The following PPP2R3A variants were observed in gnomAD, a reference collection of about 807,000 sequenced individuals.
PPP2R3A encodes the protein protein phosphatase 2 regulatory subunit B''alpha, also known as serine/threonine-protein phosphatase 2A regulatory subunit B'' subunit alpha.
PPP2R3A carries 80 observed loss-of-function variants against 106.9 expected under a neutral mutation model. The observed-to-expected ratio is 0.75, with a 90% confidence interval of 0.62 to 0.90. The LOEUF is 0.90. Among genes scored for constraint, PPP2R3A ranks in the 40% least tolerant of loss-of-function variants. PPP2R3A has a pLI of 0.00. For missense variants in PPP2R3A, 1,386 were observed against 1,350.4 expected, an observed-to-expected ratio of 1.03 and a Z score of -0.41; for synonymous variants, 483 against 468.3, an observed-to-expected ratio of 1.03 and a Z score of -0.41.
intron 2 of PPP2R3A, among the ~76,000 whole-genome samples, chr3:136,010,391 C>T (rs929919009): frequency 8.9e-5 from 13 of 145,426 alleles, no homozygotes; most frequent in Non-Finnish European, 6.0e-5. Context: ...GCTGGGACTA[C>T]AGGCGCATGC....
rs1364692539 is a variant in PPP2R3A, at chr3:136,002,360, T to A, written c.862T>A (p.Tyr288Asn). The change falls in exon 2 of 14, where the codon TAT becomes AAT. Residue 288 changes from tyrosine to asparagine, a missense_variant. By Grantham distance (143) the Tyr-to-Asn change is moderately radical. Transcript: ENST00000264977. ...GAATGTAATGACCAGGTTAGCATCCTATCTGAAAAAGTTACCATTTGAATT... is the reference window on the plus strand; with the variant it reads ...GAATGTAATGACCAGGTTAGCATCCAATCTGAAAAAGTTACCATTTGAATT... ...YMNVMTRLASYLKKLPFEFMQ... is the reference protein window; with the variant it reads ...YMNVMTRLASNLKKLPFEFMQ... 1.2e-6 allele frequency: 2 copies of A among 1,613,818 alleles called. No individual in the cohort carries two copies. The highest frequency in any genetic ancestry group is 8.5e-7 in the Non-Finnish European group (1 of 1,179,958).
chr3:135,985,585 C>A (rs1209210133), intron 1 of PPP2R3A, among the ~76,000 whole-genome samples: 2 of 152,106 alleles, frequency 1.3e-5, no homozygotes, highest in African/African-American at 4.8e-5. Flanking sequence ...AATGTATAAC[C>A]GTTCCTTTGA....
At chr3:136,129,036 T>C (rs909964337) in intron 13 of PPP2R3A, among the ~76,000 whole-genome samples, 3 of 152,146 alleles carry the variant, frequency 2.0e-5, no homozygotes, top group African/African-American at 4.8e-5. Context: ...GAGGGAAATT[T>C]ATAGCGCTAA....
intron 13 of PPP2R3A, among the ~76,000 whole-genome samples, chr3:136,127,075 G>C (rs1441009313): frequency 6.6e-6 from 1 of 152,194 alleles, no homozygotes; most frequent in Admixed American, 6.5e-5. Flanking sequence ...GATCAGAAAA[G>C]CTGAAAATTC....
chr3:136,104,153 A>G (rs1166668220), intron 12 of PPP2R3A, among the ~76,000 whole-genome samples: 1 of 152,224 alleles, frequency 6.6e-6, no homozygotes, highest in Non-Finnish European at 1.5e-5. Context: ...CACCTTCTAA[A>G]TAAGATAAAT....
chr3:136,090,512 C>G (rs969100449), intron 9 of PPP2R3A, 66 bp from the exon 10 acceptor site: 1 of 1,323,072 alleles, frequency 7.6e-7, no homozygotes, highest in African/African-American at 1.5e-5. Context: ...ATTTCTTAGC[C>G]TATCATCCTG....
At chr3:136,069,158 T>C (rs186781229) in intron 5 of PPP2R3A, among the ~76,000 whole-genome samples, 68 of 152,340 alleles carry the variant, frequency 4.5e-4, no homozygotes, top group African/African-American at 1.6e-3. Context: ...TCATATCTTA[T>C]CCATGTTCAT....
chr3:135,970,535 G>A (rs1417073902), intron 1 of PPP2R3A, among the ~76,000 whole-genome samples: 2 of 152,196 alleles, frequency 1.3e-5, no homozygotes, highest in African/African-American at 2.4e-5. Context: ...GTGTCATCAA[G>A]TAAAGATGTG....
At chr3:136,015,638 T>G (rs1259665442) in intron 2 of PPP2R3A, among the ~76,000 whole-genome samples, 3 of 152,090 alleles carry the variant, frequency 2.0e-5, no homozygotes, top group Non-Finnish European at 4.4e-5. Context: ...ATCTTTTGTA[T>G]TTTTGTGGTA....
intron 13 of PPP2R3A, among the ~76,000 whole-genome samples, chr3:136,134,085 A>G (rs1234215032): frequency 6.6e-6 from 1 of 152,192 alleles, no homozygotes; most frequent in Non-Finnish European, 1.5e-5. Flanking sequence ...TTGCATTACT[A>G]CTGTATATTA....
intron 4 of PPP2R3A, among the ~76,000 whole-genome samples, chr3:136,044,520 A>C (rs1052026322): frequency 2.8e-5 from 4 of 144,346 alleles, no homozygotes; most frequent in African/African-American, 1.0e-4. Context: ...GCAGTAAGCT[A>C]TGATCATGAG....
intron 1 of PPP2R3A, among the ~76,000 whole-genome samples, chr3:135,994,712 CTG>C (rs1174428243): frequency 6.6e-6 from 1 of 152,150 alleles, no homozygotes; most frequent in Non-Finnish European, 1.5e-5. Flanking sequence ...GACTTTAAAA[CTG>C]TGAAACCCAT....
Position 136,145,346 on chromosome 3 carries a change from T to C in PPP2R3A, c.*180T>C. ...ATACACATTTAACTTAGGAGGCTCCTCCAATTTGCCTCAAACCTCTTACGG... is the reference window on the plus strand; with the variant it reads ...ATACACATTTAACTTAGGAGGCTCCCCCAATTTGCCTCAAACCTCTTACGG... On this transcript the variant is annotated 3_prime_UTR_variant, in exon 14 of 14. Coordinates refer to ENST00000264977, the MANE Select transcript of PPP2R3A (RefSeq NM_002718.5). 1 of 730,396 alleles carries C rather than the reference T, an allele frequency of 1.4e-6. No individual in the cohort carries two copies. Among genetic ancestry groups the C allele is most frequent in the Non-Finnish European group, 2.0e-6 (1 of 506,300 alleles). The allele number at this position is 730,396 out of a possible 1,614,324, so 45.2% of individuals were successfully genotyped here.
chr3:136,011,003 ATTG>A (rs1373743768), intron 2 of PPP2R3A, among the ~76,000 whole-genome samples: 1 of 152,056 alleles, frequency 6.6e-6, no homozygotes, highest in Non-Finnish European at 1.5e-5. Flanking sequence ...AGCTGTTATT[ATTG>A]TTTCCAGTTC....
intron 13 of PPP2R3A, among the ~76,000 whole-genome samples, chr3:136,129,205 A>AG (rs1938304759): frequency 6.6e-6 from 1 of 151,512 alleles, no homozygotes; most frequent in South Asian, 2.1e-4. Flanking sequence ...AAAAAAAAAA[A>AG]CCTTCAAAAA....
At chr3:136,041,722 C>A (rs771761663) in intron 4 of PPP2R3A, among the ~76,000 whole-genome samples, 9 of 152,164 alleles carry the variant, frequency 5.9e-5, no homozygotes, top group Non-Finnish European at 1.0e-4. Flanking sequence ...ATACTGAATT[C>A]TAATAGATTT....
intron 1 of PPP2R3A, among the ~76,000 whole-genome samples, chr3:135,966,940 G>A (rs1937107322): frequency 6.6e-6 from 1 of 151,800 alleles, no homozygotes; most frequent in Non-Finnish European, 1.5e-5. Flanking sequence ...TGCCATACTA[G>A]GTCAGAGCAT....
intron 13 of PPP2R3A, among the ~76,000 whole-genome samples, chr3:136,133,162 G>A (rs868623336): frequency 8.0e-4 from 122 of 152,140 alleles, no homozygotes; most frequent in African/African-American, 2.7e-3. Context: ...TGATACATTG[G>A]ACTTCCTTCA....
intron 3 of PPP2R3A, among the ~76,000 whole-genome samples, chr3:136,034,280 C>T (rs1053162473): frequency 6.6e-6 from 1 of 152,064 alleles, no homozygotes; most frequent in Non-Finnish European, 1.5e-5. Context: ...CATGAACCAC[C>T]GACCTCGGCC....
Sources: allele counts gnomAD v4.1 joint callset (sites outside exome capture counted in the v4.1 genomes callset), GRCh38; gene constraint gnomAD v4.1.1; transcripts MANE v1.5; gene names NCBI Gene and HGNC (gene_info 2026-07-23, HGNC 2026-07-21).